The following PCSK6 variants were observed in gnomAD, a reference collection of about 807,000 sequenced individuals.
PCSK6 encodes the protein paired basic amino acid cleaving enzyme 4.
In PCSK6, 85 loss-of-function variants were observed where a neutral mutation model predicts 123.3. The ratio of observed to expected loss-of-function variants is 0.69; its 90% CI spans 0.58 to 0.83. The LOEUF is 0.83. PCSK6 is among the 40% of genes least tolerant of loss of function. PCSK6 has a pLI of 0.00. For synonymous variants in PCSK6, 508 were observed against 516.0 expected (o/e 0.98, Z 0.21); for missense variants, 1,191 against 1,282.3 (o/e 0.93, Z 1.09).
At chr15:101,313,600 A>G in intron 19 of PCSK6, 95 bp from the exon 20 acceptor site, 1 of 1,496,804 alleles carries the variant, frequency 6.7e-7, no homozygotes, top group Non-Finnish European at 8.9e-7. Context: ...CAGGGGTACC[A>G]TTCAGGAGCC....
intron 6 of PCSK6, among the ~76,000 whole-genome samples, chr15:101,427,199 C>A (rs2056286777): frequency 6.6e-6 from 1 of 151,868 alleles, no homozygotes; most frequent in African/African-American, 2.4e-5. Context: ...AGACCAGACG[C>A]ACGCGGGGCA....
chr15:101,431,324 T>C lies in PCSK6; in HGVS notation c.653A>G (p.Asn218Ser). 1 of 1,613,970 alleles carries C rather than the reference T, an allele frequency of 6.2e-7. No individual in the cohort carries two copies. The highest frequency in any genetic ancestry group is 8.5e-7 in the Non-Finnish European group (1 of 1,179,864). Reference protein sequence around the residue: ...IERNHPDLAPNYDSYASYDVN... With the variant: ...IERNHPDLAPSYDSYASYDVN... ...CAGTTCCGAGGATTGACTTACATAA[T>C]TTGGGGCCAGGTCAGGGTGATTTCT... The change falls in exon 4 of 22, where the codon AAT becomes AGT. Residue 218 changes from asparagine (N) to serine (S), a missense_variant. By Grantham distance (46) the Asn-to-Ser change is conservative. Transcript: ENST00000611716.
At chr15:101,415,362 C>T (rs969171401) in intron 6 of PCSK6, among the ~76,000 whole-genome samples, 22 of 152,226 alleles carry the variant, frequency 1.4e-4, no homozygotes, top group African/African-American at 5.3e-4. Flanking sequence ...TAGGAGCAAT[C>T]GTAGCCGACT....
chr15:101,383,409 CAAA>C (rs35670221), intron 10 of PCSK6, among the ~76,000 whole-genome samples: 16,891 of 75,710 alleles, frequency 0.22, 682 homozygotes, highest in South Asian at 0.3. Context: ...GACTCTGTCT[CAAA>C]AAAAAAAAAA....
chr15:101,429,166 T>A (rs1238123485), intron 5 of PCSK6, among the ~76,000 whole-genome samples: 1 of 152,138 alleles, frequency 6.6e-6, no homozygotes, highest in East Asian at 1.9e-4. Context: ...AGAAAAAGCT[T>A]TTATTATTTC....
intron 2 of PCSK6, among the ~76,000 whole-genome samples, chr15:101,438,219 CGT>C (rs2056658069): frequency 6.6e-6 from 1 of 152,238 alleles, no homozygotes; most frequent in Non-Finnish European, 1.5e-5. Context: ...CACTGCTCAA[CGT>C]GTCTGACATG....
intron 9 of PCSK6, 91 bp from the exon 10 acceptor site, chr15:101,384,516 A>C: frequency 1.0e-6 from 1 of 971,278 alleles, no homozygotes; most frequent in Non-Finnish European, 1.6e-6. Flanking sequence ...CAGCCAACCC[A>C]CGTCTGAACT....
intron 20 of PCSK6, among the ~76,000 whole-genome samples, chr15:101,311,267 C>T (rs909816569): frequency 6.6e-6 from 1 of 150,878 alleles, no homozygotes; most frequent in Non-Finnish European, 1.5e-5. Context: ...CACACTACCA[C>T]GTCCAACTAA....
rs78813249 is a variant in PCSK6, at chr15:101,438,021, C to T, written c.402+5535G>A. On this transcript the variant is annotated intron_variant, in intron 2 of 21. Transcript: ENST00000611716. ...ATGAGAAGAGGAGATTAGGACAGAG[C>T]CACTCGCAGAGAGGGACAACCACGT... 6.1e-3 allele frequency among the ~76,000 whole-genome samples: 924 copies of T among 152,250 alleles called. 6 individuals are homozygous for T. Among genetic ancestry groups the T allele is most frequent in the African/African-American group, 0.021 (891 of 41,530 alleles).
At chr15:101,360,985 T>G (rs920229349) in intron 13 of PCSK6, among the ~76,000 whole-genome samples, 3 of 152,212 alleles carry the variant, frequency 2.0e-5, no homozygotes, top group African/African-American at 7.2e-5. Flanking sequence ...GCATCTGTTT[T>G]GTTCACCAGT....
chr15:101,468,150 T>G lies in PCSK6; in HGVS notation c.297+21224A>C, dbSNP rs145791920. The stretch of plus-strand genomic sequence containing the variant: ...TGGGTTAAGTCATCTGAATGCTCTG[T>G]GCCTCAGTTTCCTCATCTGTGATGT... On this transcript the variant is annotated intron_variant, in intron 1 of 21. Coordinates refer to ENST00000611716, the MANE Select transcript of PCSK6 (RefSeq NM_002570.5). Among the ~76,000 whole-genome samples the G allele has an allele frequency of 7.0e-3, 1,060 of 152,314 alleles. 13 individuals carry two copies. The highest frequency in any genetic ancestry group is 0.024 in the African/African-American group (978 of 41,568).
At chr15:101,307,349 T>C (rs776031766) in intron 20 of PCSK6, 24 bp from the exon 21 acceptor site, 1 of 1,577,650 alleles carries the variant, frequency 6.3e-7, no homozygotes. Context: ...CCGTTCCTGC[T>C]GAAGTCTGGG....
At chr15:101,416,563 G>C (rs1489245450) in intron 6 of PCSK6, among the ~76,000 whole-genome samples, 4 of 152,218 alleles carry the variant, frequency 2.6e-5, no homozygotes, top group South Asian at 4.1e-4. Context: ...ATGGGAAAAT[G>C]TCTCCAGGCC....
chr15:101,401,578 C>T (rs966607103), intron 6 of PCSK6, among the ~76,000 whole-genome samples: 6 of 152,142 alleles, frequency 3.9e-5, no homozygotes, highest in African/African-American at 1.4e-4. Flanking sequence ...AGGTGAAGAC[C>T]TTGCCTTCAC....
chr15:101,389,662 C>G lies in PCSK6; in HGVS notation c.1210-98G>C, dbSNP rs188751503. The G allele has an allele frequency of 5.8e-5, 53 of 912,770 alleles. No individual in the cohort carries two copies. The Admixed American group carries it at 1.2e-3, about 20-fold the overall frequency. 56.5% of individuals were successfully genotyped at this position (912,770 alleles called of 1,614,324 possible). On this transcript the variant is annotated intron_variant, in intron 8 of 21. Coordinates refer to ENST00000611716, the MANE Select transcript of PCSK6 (RefSeq NM_002570.5). The stretch of plus-strand genomic sequence containing the variant: ...ACTTCAGGTGCCACTAACTGGCAAG[C>G]GTGACCCTGGGTCTCGGGAACAAAT...
At chr15:101,322,680 C>G (rs1012499372) in intron 17 of PCSK6, 73 bp from the exon 18 acceptor site, 1 of 956,328 alleles carries the variant, frequency 1.0e-6, no homozygotes, top group Non-Finnish European at 1.7e-6. Context: ...CAAGCAGGCC[C>G]CCGGCATTTC....
chr15:101,438,249 T>G (rs1312928345), intron 2 of PCSK6, among the ~76,000 whole-genome samples: 2 of 152,220 alleles, frequency 1.3e-5, no homozygotes, highest in East Asian at 3.8e-4. Context: ...TGTCTGTACC[T>G]CTGTTATTTT....
chr15:101,309,482 C>T (rs1371508222), intron 20 of PCSK6, among the ~76,000 whole-genome samples: 3 of 152,248 alleles, frequency 2.0e-5, no homozygotes, highest in Non-Finnish European at 4.4e-5. Context: ...ACCATGGCCG[C>T]TTTGCCCTGC....
Position 101,398,877 on chromosome 15 carries a change from C to A in PCSK6, c.824-301G>T, listed in dbSNP as rs1344345320. 1.3e-5 allele frequency among the ~76,000 whole-genome samples: 2 copies of A among 149,464 alleles called. No homozygotes were observed. Among genetic ancestry groups the A allele is most frequent in the African/African-American group, 5.0e-5 (2 of 40,112 alleles). ...TATTTCTGTTTTTTATTTTAAAAAA[C>A]AAGACCTATTATTATTATTATTATT... is the stretch of plus-strand genomic sequence containing the variant. On this transcript the variant is annotated intron_variant, in intron 6 of 21. Transcript: ENST00000611716. The surrounding 1 kb of genome is among the most constrained non-coding windows in gnomAD (Gnocchi z 4.6).
Sources: allele counts gnomAD v4.1 joint callset (sites outside exome capture counted in the v4.1 genomes callset), GRCh38; gene constraint gnomAD v4.1.1; non-coding constraint Gnocchi (gnomAD v3.1); transcripts MANE v1.5; gene names NCBI Gene and HGNC (gene_info 2026-07-23, HGNC 2026-07-21).